The following STARD6 variants were observed in gnomAD, a reference collection of about 807,000 sequenced individuals.
The protein encoded by STARD6 is stAR-related lipid transfer protein 6.
Under a neutral mutation model 22.3 loss-of-function variants are expected in STARD6, and 21 were observed. The ratio of observed to expected loss-of-function variants is 0.94; its 90% CI spans 0.67 to 1.35. STARD6 has a LOEUF of 1.35. STARD6 is among the 40% of genes most tolerant of loss of function. The pLI is 0.00. For missense variants in STARD6, 269 were observed against 266.9 expected, an observed-to-expected ratio of 1.01 and a Z score of -0.05; for synonymous variants, 80 against 88.1, an observed-to-expected ratio of 0.91 and a Z score of 0.52.
chr18:54,344,506 C>A (rs2089015980), intron 4 of STARD6, among the ~76,000 whole-genome samples: 1 of 100,444 alleles, frequency 1.0e-5, no homozygotes, highest in African/African-American at 4.2e-5. Context: ...GCTGACCTTC[C>A]CTCCACTATT....
intron 4 of STARD6, among the ~76,000 whole-genome samples, chr18:54,353,334 G>A (rs1029902460): frequency 6.6e-6 from 1 of 152,112 alleles, no homozygotes; most frequent in Non-Finnish European, 1.5e-5. Context: ...ATCCTTAAAA[G>A]TATATTTAAA....
intron 4 of STARD6, among the ~76,000 whole-genome samples, chr18:54,338,228 CTG>C (rs1398359648): frequency 2.6e-5 from 4 of 152,176 alleles, no homozygotes; most frequent in Admixed American, 6.5e-5. Context: ...GTCTGGAAGA[CTG>C]TGTATGCTGA....
At chr18:54,348,127 A>G (rs1002626077) in intron 4 of STARD6, among the ~76,000 whole-genome samples, 1 of 152,146 alleles carries the variant, frequency 6.6e-6, no homozygotes, top group Non-Finnish European at 1.5e-5. Flanking sequence ...AACTGAGTCC[A>G]TTAAACCTCT....
chr18:54,328,236 G>A (rs2088839704), intron 7 of STARD6, among the ~76,000 whole-genome samples: 1 of 152,136 alleles, frequency 6.6e-6, no homozygotes. Flanking sequence ...CTTTATTTGT[G>A]TTTACAATGG....
At chr18:54,354,006 A>G (rs2089120819) in intron 4 of STARD6, 48 bp downstream of exon 4, 2 of 1,175,654 alleles carry the variant, frequency 1.7e-6, no homozygotes, top group African/African-American at 1.6e-5. Flanking sequence ...AGATACATCA[A>G]TGGCATTGAA....
At chr18:54,351,749 T>C (rs2089098134) in intron 4 of STARD6, among the ~76,000 whole-genome samples, 1 of 152,200 alleles carries the variant, frequency 6.6e-6, no homozygotes, top group African/African-American at 2.4e-5. Flanking sequence ...ATCACATTTA[T>C]TGACTTGGGT....
chr18:54,324,960 T>C, intron 7 of STARD6, 85 bp from the exon 8 acceptor site: 1 of 1,125,020 alleles, frequency 8.9e-7, no homozygotes, highest in Non-Finnish European at 1.2e-6. Context: ...AGCAGGATTC[T>C]TATCTTATTC....
chr18:54,337,023 A>C, intron 5 of STARD6, 102 bp downstream of exon 5: 1 of 1,097,384 alleles, frequency 9.1e-7, no homozygotes, highest in Non-Finnish European at 1.3e-6. Flanking sequence ...ATTTGAAACT[A>C]TAAAATACTG....
Position 54,324,617 on chromosome 18 carries a change from G to A in STARD6, c.*75C>T, listed in dbSNP as rs1174160904. ...TAGTTTAACAGTATTATTTATGTGCGTTGACTTAGAAGTAAACAGCAATAA... is the reference window on the plus strand; with the variant it reads ...TAGTTTAACAGTATTATTTATGTGCATTGACTTAGAAGTAAACAGCAATAA... On this transcript the variant is annotated 3_prime_UTR_variant, in exon 8 of 8. Transcript: ENST00000307844. The A allele has an allele frequency of 4.4e-5, 62 of 1,419,620 alleles. No homozygotes were observed. Among genetic ancestry groups the A allele is most frequent in the Non-Finnish European group, 5.5e-5 (56 of 1,021,708 alleles). The allele number at this position is 1,419,620 out of a possible 1,614,324, so 87.9% of individuals were successfully genotyped here.
intron 4 of STARD6, among the ~76,000 whole-genome samples, chr18:54,342,667 T>C (rs1362264754): frequency 9.1e-6 from 1 of 110,464 alleles, no homozygotes; most frequent in Non-Finnish European, 1.8e-5. Flanking sequence ...TTCGCTGTGT[T>C]GGCCGGACCG....
At chr18:54,346,046 A>C (rs55731127) in intron 4 of STARD6, among the ~76,000 whole-genome samples, 54,327 of 151,964 alleles carry the variant, frequency 0.36, 11,266 homozygotes, top group East Asian at 0.68. Context: ...CACAAGTAAC[A>C]CAACAGAAGA....
chr18:54,331,771 CG>C lies in STARD6; in HGVS notation c.355del (p.Arg119AlafsTer6), dbSNP rs1411490871. On this transcript the variant is annotated frameshift_variant, in exon 6 of 8. Transcript: ENST00000307844. LOFTEE classifies it high-confidence loss of function. Reference protein sequence around the residue: ...RDFIDLVYIKRYEGNMNIISS... With the variant: ...RDFIDLVYIKXYEGNMNIISS... ...GATAATGTTCATATTTCCTTCGTAG[CG>C]CTTGATGTACACTAAGTCGATAAAG... is the stretch of plus-strand genomic sequence containing the variant. The C allele has an allele frequency of 6.2e-7, 1 of 1,610,680 alleles. No individual in the cohort carries two copies. The highest frequency in any genetic ancestry group is 8.5e-7 in the Non-Finnish European group (1 of 1,177,934).
At chr18:54,350,359 G>C (rs543561150) in intron 4 of STARD6, among the ~76,000 whole-genome samples, 69 of 152,118 alleles carry the variant, frequency 4.5e-4, no homozygotes, top group Middle Eastern at 3.4e-3. Context: ...ATTTGCTTGA[G>C]TTCTTATAGA....
At chr18:54,341,481 T>A (rs2144681322) in intron 4 of STARD6, among the ~76,000 whole-genome samples, 1 of 152,288 alleles carries the variant, frequency 6.6e-6, no homozygotes, top group Middle Eastern at 3.4e-3. Flanking sequence ...GAATAGACAT[T>A]CTTCTCAAGT....
At chr18:54,336,001 T>C (rs2088908143) in intron 5 of STARD6, among the ~76,000 whole-genome samples, 1 of 152,172 alleles carries the variant, frequency 6.6e-6, no homozygotes, top group Non-Finnish European at 1.5e-5. Context: ...TTTCACCATG[T>C]ATCATTATTC....
intron 5 of STARD6, among the ~76,000 whole-genome samples, chr18:54,332,415 A>T (rs1185645988): frequency 6.6e-6 from 1 of 152,190 alleles, no homozygotes; most frequent in Non-Finnish European, 1.5e-5. Context: ...CAACAGGACC[A>T]GCACAGTTAC....
intron 4 of STARD6, 197 bp downstream of exon 4, chr18:54,353,857 T>C: frequency 2.7e-6 from 1 of 372,828 alleles, no homozygotes; most frequent in Non-Finnish European, 4.8e-6. Flanking sequence ...CTGATTGTCA[T>C]CAGATTTGAA....
In STARD6 at chr18:54,331,782, C is replaced by A. The variant is rs769271989; in HGVS notation, c.345G>T (p.Val115=). ...SISPRDFIDL[V]YIKRYEGNMN... ...TATTTCCTTCGTAGCGCTTGATGTA[C>A]ACTAAGTCGATAAAGTCTCGAGGGG... Residue 115 remains valine (V), a synonymous_variant, in exon 6 of 8, where the codon GTG becomes GTT. Coordinates refer to ENST00000307844, the MANE Select transcript of STARD6 (RefSeq NM_139171.2). The A allele has an allele frequency of 1.9e-6, 3 of 1,613,150 alleles. No homozygotes were observed. The South Asian group carries it at 3.3e-5, about 18-fold the overall frequency.
At chr18:54,347,869 A>G (rs2089051997) in intron 4 of STARD6, among the ~76,000 whole-genome samples, 1 of 152,108 alleles carries the variant, frequency 6.6e-6, no homozygotes, top group Non-Finnish European at 1.5e-5. Flanking sequence ...ATCCCCACCC[A>G]AATCTCATCT....
Sources: gnomAD v4.1 joint callset for allele counts (sites outside exome capture counted in the v4.1 genomes callset) on GRCh38, gnomAD v4.1.1 for gene constraint, MANE v1.5 for transcripts, NCBI Gene and HGNC (gene_info 2026-07-23, HGNC 2026-07-21) for gene names.